Variants in DNAH3 observed in about 807,000 individuals in gnomAD.
The protein encoded by DNAH3 is axonemal beta dynein heavy chain 3.
In DNAH3, 332 loss-of-function variants were observed where a neutral mutation model predicts 432.5. The ratio of observed to expected loss-of-function variants is 0.77; its 90% CI spans 0.70 to 0.84. DNAH3 has a LOEUF of 0.84. DNAH3 is among the 40% of genes least tolerant of loss of function. The pLI is 0.00. For missense variants in DNAH3, 4,861 were observed against 5,114.0 expected, an observed-to-expected ratio of 0.95 and a Z score of 1.51; for synonymous variants, 1,956 against 1,900.2, an observed-to-expected ratio of 1.03 and a Z score of -0.76.
chr16:20,962,761 G>A (rs1343181421), intron 53 of DNAH3, among the ~76,000 whole-genome samples: 1 of 152,090 alleles, frequency 6.6e-6, no homozygotes, highest in Non-Finnish European at 1.5e-5. Flanking sequence ...AGGCTGAAGG[G>A]ATCCTCCTGC....
intron 20 of DNAH3, among the ~76,000 whole-genome samples, chr16:21,079,715 T>C (rs2091112020): frequency 6.6e-6 from 1 of 152,212 alleles, no homozygotes; most frequent in South Asian, 2.1e-4. Flanking sequence ...GTTCAATAGC[T>C]AGTGTCTCTT....
intron 31 of DNAH3, among the ~76,000 whole-genome samples, chr16:21,043,998 T>C (rs1349352629): frequency 9.6e-6 from 1 of 103,672 alleles, no homozygotes; most frequent in African/African-American, 3.8e-5. Context: ...TGCGGCATTA[T>C]TTCTGAGGGC....
chr16:20,943,486 A>G (rs2083907129), intron 58 of DNAH3, among the ~76,000 whole-genome samples: 1 of 151,758 alleles, frequency 6.6e-6, no homozygotes, highest in Admixed American at 6.6e-5. Context: ...AGCCTCCCAA[A>G]GTGCTGGGAC....
At chr16:20,940,036 C>G (rs2083746026) in intron 59 of DNAH3, among the ~76,000 whole-genome samples, 1 of 152,204 alleles carries the variant, frequency 6.6e-6, no homozygotes, top group South Asian at 2.1e-4. Flanking sequence ...CTATAATACC[C>G]CTAACTGTGT....
intron 8 of DNAH3, among the ~76,000 whole-genome samples, chr16:21,126,498 A>T (rs780695502): frequency 6.6e-6 from 1 of 152,224 alleles, no homozygotes; most frequent in African/African-American, 2.4e-5. Context: ...TCTTGCAGGC[A>T]TTTGCAAAGG....
chr16:21,067,498 C>G, intron 23 of DNAH3, 79 bp from the exon 24 acceptor site: 2 of 1,502,520 alleles, frequency 1.3e-6, no homozygotes, highest in Non-Finnish European at 1.8e-6. Context: ...AATGTGTGAC[C>G]TATCAACTGA....
At chr16:21,108,120 C>T (rs2091989534) in intron 14 of DNAH3, among the ~76,000 whole-genome samples, 1 of 152,168 alleles carries the variant, frequency 6.6e-6, no homozygotes, top group Non-Finnish European at 1.5e-5. Context: ...GATCCACCCG[C>T]CTCGGCCTCC....
intron 1 of DNAH3, among the ~76,000 whole-genome samples, chr16:21,157,002 C>CACACACAG (rs1215580867): frequency 6.6e-6 from 1 of 151,640 alleles, no homozygotes; most frequent in Non-Finnish European, 1.5e-5. Flanking sequence ...AGGAAACACA[C>CACACACAG]ACACACACAC....
Position 21,069,348 on chromosome 16 carries a change from C to T in DNAH3, c.3381+67G>A, listed in dbSNP as rs1031724809. On this transcript the variant is annotated intron_variant, in intron 23 of 61. Coordinates refer to ENST00000261383, the Ensembl canonical transcript of DNAH3. ...CATTTACAAGTTTCAAGGAAGGTGA[C>T]TAGAATGCATAATGAGGAAACATTT... 50 of 1,384,868 alleles carry T rather than the reference C, an allele frequency of 3.6e-5. 1 individual carries two copies. Among genetic ancestry groups the T allele is most frequent in the Admixed American group, 1.2e-4 (6 of 48,680 alleles). 85.8% of individuals were successfully genotyped at this position (1,384,868 alleles called of 1,614,324 possible).
exon 25 of DNAH3, chr16:21,062,482 C>T (rs2090394828): frequency 1.2e-5 from 19 of 1,613,972 alleles, no homozygotes; most frequent in Non-Finnish European, 1.5e-5. Flanking sequence ...GAGGAGTTAC[C>T]TTGGCATTAG....
rs930888471 is a variant in DNAH3 at position 21,099,718 on chromosome 16, CAAA to C, written c.2367-952_2367-950del. On this transcript the variant is annotated intron_variant, in intron 16 of 61. Transcript: ENST00000261383. ...TTAAAGTCAATAAGAACAACAATAA[CAAA>C]AAAAAGCTCAGAATTGAGCCTGGTA... Among the ~76,000 whole-genome samples, 5 of 151,726 alleles carry C rather than the reference CAAA, an allele frequency of 3.3e-5. No homozygotes were observed. The South Asian group carries it at 6.3e-4, about 19-fold the overall frequency.
At chr16:21,060,829 T>C (rs934921509) in intron 25 of DNAH3, among the ~76,000 whole-genome samples, 11 of 29,370 alleles carry the variant, frequency 3.7e-4, no homozygotes, top group Non-Finnish European at 7.1e-5. Context: ...TGGTCTCTTC[T>C]TTTTTTTTTT....
intron 3 of DNAH3, among the ~76,000 whole-genome samples, chr16:21,141,606 G>A (rs1475181491): frequency 1.3e-5 from 2 of 152,318 alleles, no homozygotes; most frequent in East Asian, 3.9e-4. Flanking sequence ...ACTGTAAAGT[G>A]GGGATGTGCG....
intron 44 of DNAH3, among the ~76,000 whole-genome samples, chr16:20,991,706 T>C (rs1315742063): frequency 6.6e-6 from 1 of 152,218 alleles, no homozygotes; most frequent in Non-Finnish European, 1.5e-5. Context: ...ATACTTATGA[T>C]GCAGTTTATC....
Position 21,049,696 on chromosome 16 carries a change from G to A in DNAH3, c.4348-14C>T, listed in dbSNP as rs769018682. 6.2e-7 allele frequency: 1 copy of A among 1,608,882 alleles called. No individual in the cohort carries two copies. The highest frequency in any genetic ancestry group is 1.1e-5 in the South Asian group (1 of 90,948). ...GAAGACCACACACTAGAAAGAGGGA[G>A]GATGTGGGTATCATTCAGGGTGGAT... On this transcript the variant is annotated splice_polypyrimidine_tract_variant and intron_variant, in intron 30 of 61. Coordinates refer to ENST00000261383, the Ensembl canonical transcript of DNAH3.
At chr16:21,032,881 T>C (rs1469981161) in intron 36 of DNAH3, among the ~76,000 whole-genome samples, 1 of 152,112 alleles carries the variant, frequency 6.6e-6, no homozygotes, top group Non-Finnish European at 1.5e-5. Flanking sequence ...TTCACTCAGT[T>C]TCTTAAGGTA....
At chr16:21,013,659 C>T (rs930393470) in intron 41 of DNAH3, among the ~76,000 whole-genome samples, 5 of 137,486 alleles carry the variant, frequency 3.6e-5, no homozygotes, top group South Asian at 2.3e-4. Flanking sequence ...GAGGAGGTTA[C>T]GATGAGCCAA....
At chr16:21,118,674 T>C (rs1212803777) in intron 11 of DNAH3, among the ~76,000 whole-genome samples, 1 of 152,212 alleles carries the variant, frequency 6.6e-6, no homozygotes, top group Non-Finnish European at 1.5e-5. Flanking sequence ...ACTGGTGGTC[T>C]GGCTTCACAA....
At chr16:21,158,287 C>T (rs1363825299) in intron 1 of DNAH3, 1 of 152,262 alleles carries the variant, frequency 6.6e-6, no homozygotes, top group Non-Finnish European at 1.5e-5. Context: ...GTCTTGAGCG[C>T]CAGAGACGTT....
Sources: gnomAD v4.1 joint callset for allele counts (sites outside exome capture counted in the v4.1 genomes callset) on GRCh38, gnomAD v4.1.1 for gene constraint, MANE v1.5 for transcripts, NCBI Gene and HGNC (gene_info 2026-07-23, HGNC 2026-07-21) for gene names.